The following GAS5 variants were observed in gnomAD, a reference collection of about 807,000 sequenced individuals.
GAS5 encodes growth arrest specific 5 (non-protein coding).
intron 6 of GAS5, chr1:173,864,637 T>C (rs540422899): frequency 2.6e-5 from 10 of 386,596 alleles, no homozygotes; most frequent in African/African-American, 2.1e-4. Context: ...CCAAAACCTT[T>C]TGCCACCTTA....
intron 7 of GAS5, chr1:173,864,176 T>C (rs764748901): frequency 1.9e-6 from 1 of 518,274 alleles, no homozygotes; most frequent in East Asian, 5.5e-5. Context: ...TGTCATCAAG[T>C]AATCAGTGAG....
At chr1:173,867,380 G>T (rs377657812), upstream of GAS5, 8 of 357,054 alleles carry the variant, frequency 2.2e-5, no homozygotes, top group East Asian at 5.2e-4. Context: ...GCCTAGCATG[G>T]TGGCGCGCGC....
intron 6 of GAS5, chr1:173,865,279 A>G (rs566482989): frequency 9.5e-6 from 4 of 419,692 alleles, no homozygotes; most frequent in African/African-American, 8.2e-5. Flanking sequence ...CCGACTCTCC[A>G]TACCTGTAGA....
intron 6 of GAS5, chr1:173,865,450 TAAC>T (rs765334776): frequency 5.9e-6 from 3 of 511,840 alleles, no homozygotes; most frequent in East Asian, 5.5e-5. Flanking sequence ...CAATTAACGT[TAAC>T]ATCAATAAAA....
At chr1:173,867,275 G>A, upstream of GAS5, 1 of 500,810 alleles carries the variant, frequency 2.0e-6, no homozygotes, top group Non-Finnish European at 3.5e-6. Context: ...ATCCCAGTAT[G>A]TTGGGGGACC....
chr1:173,867,205 C>T, upstream of GAS5: 1 of 546,604 alleles, frequency 1.8e-6, no homozygotes. Context: ...TACAAAGAAG[C>T]ACTGCACCCG....
At chr1:173,867,530 A>C, upstream of GAS5, 1 of 400,270 alleles carries the variant, frequency 2.5e-6, no homozygotes, top group Non-Finnish European at 5.0e-6. Context: ...AAAAAGAAAC[A>C]CTAATGGAAA....
intron 7 of GAS5, chr1:173,864,241 C>T (rs770928391): frequency 1.9e-6 from 1 of 515,412 alleles, no homozygotes; most frequent in Non-Finnish European, 3.9e-6. Context: ...ATAGTCCCAA[C>T]ATTTCCAATC....
intron 6 of GAS5, chr1:173,864,925 A>C: frequency 1.9e-6 from 1 of 516,710 alleles, no homozygotes; most frequent in Non-Finnish European, 3.9e-6. Flanking sequence ...AACACTTAAA[A>C]ACCAGACTTG....
chr1:173,866,257 G>C (rs376962886), intron 3 of GAS5: 6 of 495,794 alleles, frequency 1.2e-5, no homozygotes, highest in South Asian at 8.8e-5. Flanking sequence ...ATGGTAGATT[G>C]GTGGTACACT....
intron 6 of GAS5, chr1:173,865,033 A>G (rs2102678064): frequency 2.5e-6 from 1 of 396,920 alleles, no homozygotes; most frequent in African/African-American, 2.1e-5. Context: ...CAGCCTGGAC[A>G]ACATAGCTGT....
At chr1:173,864,077 T>C (rs11537772) in intron 7 of GAS5, 1 of 476,638 alleles carries the variant, frequency 2.1e-6, no homozygotes, top group African/African-American at 2.0e-5. Context: ...GGCAAGACCC[T>C]GTCTCAAAAA....
chr1:173,866,913 C>T (rs1278790271), intron 1 of GAS5: 1 of 765,456 alleles, frequency 1.3e-6, no homozygotes, highest in Non-Finnish European at 2.4e-6. Context: ...TCCCTTCTGT[C>T]CACTACTCTT....
At chr1:173,866,183 A>C (rs187820495) in exon 4 of GAS5, 55 of 466,396 alleles carry the variant, frequency 1.2e-4, no homozygotes, top group Admixed American at 1.1e-3. Flanking sequence ...TTACCATTTC[A>C]ACTTCCAGCT....
chr1:173,866,365 G>GT, intron 3 of GAS5: 1 of 530,434 alleles, frequency 1.9e-6, no homozygotes, highest in Middle Eastern at 3.2e-4. Flanking sequence ...AACCATCATA[G>GT]TATCTGTTTT....
At chr1:173,867,716 C>T (rs1416382674), upstream of GAS5, 1 of 519,168 alleles carries the variant, frequency 1.9e-6, no homozygotes. Flanking sequence ...TCTCAGATGT[C>T]CCTACCAACA....
chr1:173,864,215 G>A, intron 7 of GAS5: 1 of 518,002 alleles, frequency 1.9e-6, no homozygotes, highest in Non-Finnish European at 3.9e-6. Flanking sequence ...AGATCATCAT[G>A]TATTCTGCAA....
At chr1:173,865,561 G>A (rs1654456176) in intron 5 of GAS5, 5 of 518,072 alleles carry the variant, frequency 9.7e-6, no homozygotes, top group South Asian at 7.0e-5. Flanking sequence ...GAATACAAAT[G>A]AGGACTTCCA....
At chr1:173,866,824 CAGTG>C (rs747578344) in intron 1 of GAS5, 16 of 765,228 alleles carry the variant, frequency 2.1e-5, no homozygotes, top group Non-Finnish European at 3.1e-5. Flanking sequence ...GCAAGCAAAA[CAGTG>C]AGAATGAACC....
Sources: gnomAD v4.1 joint callset for allele counts on GRCh38, gnomAD v4.1.1 for gene constraint, MANE v1.5 for transcripts, NCBI Gene and HGNC (gene_info 2026-07-23, HGNC 2026-07-21) for gene names.